The following HSD17B14 variants were observed in gnomAD, a reference collection of about 807,000 sequenced individuals.
HSD17B14 encodes the protein L-fucose dehydrogenase.
A neutral mutation model predicts 32.2 loss-of-function variants in HSD17B14; 32 were observed. The observed-to-expected ratio is 0.99, with a 90% CI of 0.75 to 1.33. The LOEUF is 1.33. HSD17B14 is among the 40% of genes most tolerant of loss of function. The pLI is 0.00. For synonymous variants in HSD17B14, 140 were observed against 155.4 expected, an observed-to-expected ratio of 0.90 and a Z score of 0.74; for missense variants, 370 against 366.5, an observed-to-expected ratio of 1.01 and a Z score of -0.08.
chr19:48,835,936 C>G, intron 1 of HSD17B14, 93 bp from the exon 2 acceptor site: 1 of 1,143,782 alleles, frequency 8.7e-7, no homozygotes, highest in Non-Finnish European at 1.3e-6. Context: ...TGATCTCCCT[C>G]TCCCCTCGTG....
intron 5 of HSD17B14, among the ~76,000 whole-genome samples, chr19:48,827,449 A>T (rs904588694): frequency 2.0e-5 from 3 of 152,138 alleles, no homozygotes; most frequent in African/African-American, 7.2e-5. Context: ...AAAAAGTGCT[A>T]TGCGGAGAAT....
At chr19:48,827,200 G>T (rs1041581121) in intron 5 of HSD17B14, among the ~76,000 whole-genome samples, 1 of 151,764 alleles carries the variant, frequency 6.6e-6, no homozygotes, top group Non-Finnish European at 1.5e-5. Context: ...CCACCACCAC[G>T]CCTGGCTAAT....
intron 3 of HSD17B14, 64 bp downstream of exon 3, chr19:48,834,212 G>A: frequency 9.7e-6 from 13 of 1,338,462 alleles, no homozygotes; most frequent in African/African-American, 1.4e-5. Flanking sequence ...TATGCAAATG[G>A]CTGGAGGAGA....
intron 5 of HSD17B14, among the ~76,000 whole-genome samples, chr19:48,826,574 CAT>C (rs1244687484): frequency 4.0e-4 from 51 of 127,914 alleles, no homozygotes; most frequent in East Asian, 9.9e-4. Flanking sequence ...CACACACACA[CAT>C]ATATTAACTC....
intron 5 of HSD17B14, among the ~76,000 whole-genome samples, chr19:48,825,392 G>A (rs2035227649): frequency 6.6e-6 from 1 of 151,792 alleles, no homozygotes; most frequent in Non-Finnish European, 1.5e-5. Context: ...GCTCACTACA[G>A]CCTCAACCTC....
chr19:48,824,297 A>G (rs2122769547), intron 5 of HSD17B14, among the ~76,000 whole-genome samples: 1 of 108,294 alleles, frequency 9.2e-6, no homozygotes, highest in South Asian at 2.8e-4. Flanking sequence ...GTGCTGTGGC[A>G]TGTATCTGTA....
chr19:48,825,520 A>C (rs969599369), intron 5 of HSD17B14, among the ~76,000 whole-genome samples: 3 of 152,062 alleles, frequency 2.0e-5, no homozygotes, highest in Non-Finnish European at 4.4e-5. Flanking sequence ...TATGTTGCCC[A>C]GGCTGGTCTT....
chr19:48,831,553 CAACA>C lies in HSD17B14; in HGVS notation c.369+111_369+114del, dbSNP rs538006222. ...GGGCGACAGAGAGAGACCCTGTCTC[CAACA>C]AACAAACAAATAAAAAGAACGGAAA... On this transcript the variant is annotated intron_variant, in intron 5 of 8. Transcript: ENST00000263278. 7.6e-4 allele frequency: 600 copies of C among 790,046 alleles called. 4 individuals are homozygous for C. In the African/African-American group the frequency reaches 9.5e-3, roughly 12 times the overall value. 48.9% of individuals were successfully genotyped at this position (790,046 alleles called of 1,614,324 possible).
chr19:48,816,779 T>TTTTCTTTCTTTCTCTC lies in HSD17B14; in HGVS notation c.370-1639_370-1638insGAGAGAAAGAAAGAAA, dbSNP rs2035058224. On this transcript the variant is annotated intron_variant, in intron 5 of 8. Transcript: ENST00000263278. ...AGCATGGGCAGCTTAGCAAGACCCTTTTTCTTTCTTTCTTTCTTTCTTTCT... is the reference window on the plus strand; with the variant it reads ...AGCATGGGCAGCTTAGCAAGACCCTTTTTCTTTCTTTCTCTCTTTCTTTCTTTCTTTCTTTCTTTCT... Among the ~76,000 whole-genome samples the TTTTCTTTCTTTCTCTC allele has an allele frequency of 2.5e-5, 3 of 122,284 alleles. No individual in the cohort carries two copies. The South Asian group carries it at 8.1e-4, about 33-fold the overall frequency. The allele number at this position is 122,284 out of a possible 152,430, so 80.2% of individuals were successfully genotyped here.
chr19:48,823,376 C>T lies in HSD17B14; in HGVS notation c.370-8235G>A, dbSNP rs956572963. ...AGTGAGCCATGATCATTTCACTGCA[C>T]TCCAGCCTGGGTGACAGAGCAAGAC... On this transcript the variant is annotated intron_variant, in intron 5 of 8. Transcript: ENST00000263278. Among the ~76,000 whole-genome samples the T allele has an allele frequency of 2.6e-5, 4 of 151,960 alleles. No homozygotes were observed. In the East Asian group the frequency reaches 5.8e-4, roughly 22 times the overall value.
At chr19:48,836,256 C>T (rs2035511610) in intron 1 of HSD17B14, 68 bp downstream of exon 1, 1 of 1,466,638 alleles carries the variant, frequency 6.8e-7, no homozygotes, top group African/African-American at 1.4e-5. Flanking sequence ...TATTTTCCGC[C>T]CCCATCACCC....
At chr19:48,826,491 CA>C (rs747731627) in intron 5 of HSD17B14, among the ~76,000 whole-genome samples, 17,846 of 41,088 alleles carry the variant, frequency 0.43, 2,630 homozygotes, top group Non-Finnish European at 0.48. Context: ...AAGATTGTCT[CA>C]AAAAAAAAAA....
intron 4 of HSD17B14, 122 bp from the exon 5 acceptor site, chr19:48,831,881 C>T: frequency 1.6e-6 from 1 of 629,688 alleles, no homozygotes; most frequent in Non-Finnish European, 2.9e-6. Context: ...AGTTCAAGAC[C>T]AACCTGGCTG....
chr19:48,832,014 G>T (rs2035345601), intron 4 of HSD17B14, among the ~76,000 whole-genome samples: 1 of 148,768 alleles, frequency 6.7e-6, no homozygotes, highest in South Asian at 2.1e-4. Context: ...GGAGGTGCAG[G>T]TTGCAGTGAG....
intron 2 of HSD17B14, 89 bp from the exon 3 acceptor site, chr19:48,834,447 GTGCT>G (rs2035419846): frequency 1.6e-4 from 121 of 747,614 alleles, no homozygotes; most frequent in African/African-American, 8.1e-4. Context: ...GAGGGAGGAG[GTGCT>G]GGGGGCCTGG....
At chr19:48,816,039 A>G (rs1031996748) in intron 5 of HSD17B14, among the ~76,000 whole-genome samples, 4 of 151,520 alleles carry the variant, frequency 2.6e-5, no homozygotes, top group Non-Finnish European at 4.4e-5. Flanking sequence ...AAAAAAAAAA[A>G]AAAAGAAATG....
At position 48,816,783 on chromosome 19, in the gene HSD17B14, C is replaced by CTTTCTTTA. The variant is rs2035059002; in HGVS notation, c.370-1643_370-1642insTAAAGAAA. On this transcript the variant is annotated intron_variant, in intron 5 of 8. Transcript: ENST00000263278. Reference sequence around the variant, plus strand: ...TGGGCAGCTTAGCAAGACCCTTTTTCTTTCTTTCTTTCTTTCTTTCTTTCT... The same window carrying CTTTCTTTA: ...TGGGCAGCTTAGCAAGACCCTTTTTCTTTCTTTATTTCTTTCTTTCTTTCTTTCTTTCT... 8.1e-5 allele frequency among the ~76,000 whole-genome samples: 8 copies of CTTTCTTTA among 98,478 alleles called. No individual in the cohort carries two copies. The South Asian group carries it at 2.6e-3, about 32-fold the overall frequency. 64.6% of individuals were successfully genotyped at this position (98,478 alleles called of 152,430 possible).
chr19:48,833,091 A>G (rs2035373499), intron 3 of HSD17B14, among the ~76,000 whole-genome samples: 1 of 151,730 alleles, frequency 6.6e-6, no homozygotes, highest in Non-Finnish European at 1.5e-5. Flanking sequence ...GTGTCCAGCC[A>G]TAAAGAAGAC....
chr19:48,831,555 A>G (rs942630904), intron 5 of HSD17B14, 113 bp downstream of exon 5: 3 of 813,630 alleles, frequency 3.7e-6, no homozygotes, highest in Non-Finnish European at 6.5e-6. Flanking sequence ...CCTGTCTCCA[A>G]CAAACAAACA....
Sources: allele counts gnomAD v4.1 joint callset (sites outside exome capture counted in the v4.1 genomes callset), GRCh38; gene constraint gnomAD v4.1.1; transcripts MANE v1.5; gene names NCBI Gene and HGNC (gene_info 2026-07-23, HGNC 2026-07-21).